Variants in ITPR1 observed in about 807,000 individuals in gnomAD.
The protein encoded by ITPR1 is inositol 1,4,5-trisphosphate-gated calcium channel ITPR1.
ITPR1 carries 96 observed loss-of-function variants against 318.4 expected under a neutral mutation model. The observed-to-expected ratio is 0.30, with a 90% CI of 0.26 to 0.36. The LOEUF is 0.36. Ranked by LOEUF, ITPR1 falls within the 10% of genes least tolerant of loss-of-function variation. The probability of loss-of-function intolerance (pLI) is 1.00; values close to 1 mark genes in which losing one functional copy is unlikely to be tolerated. For synonymous variants in ITPR1, 1,312 were observed against 1,289.9 expected (o/e 1.02, Z -0.37); for missense variants, 2,440 against 3,460.2 (o/e 0.71, Z 7.40).
At chr3:4,538,122 C>T (rs1163328251) in intron 4 of ITPR1, among the ~76,000 whole-genome samples, 1 of 152,056 alleles carries the variant, frequency 6.6e-6, no homozygotes, top group Non-Finnish European at 1.5e-5. Context: ...ACAAATCTGA[C>T]TTCTCAAATT....
intron 4 of ITPR1, among the ~76,000 whole-genome samples, chr3:4,590,504 C>T (rs1009293472): frequency 6.7e-6 from 1 of 150,036 alleles, no homozygotes; most frequent in African/African-American, 2.4e-5. Context: ...CTGGTCTTCT[C>T]CATGTATTTT....
At chr3:4,748,605 G>C (rs2044276317) in intron 44 of ITPR1, among the ~76,000 whole-genome samples, 1 of 152,126 alleles carries the variant, frequency 6.6e-6, no homozygotes, top group Admixed American at 6.5e-5. Context: ...TCATCTTGAG[G>C]GTAAGAGTGA....
At chr3:4,786,463 T>C (rs560389978) in intron 51 of ITPR1, among the ~76,000 whole-genome samples, 92 of 152,354 alleles carry the variant, frequency 6.0e-4, no homozygotes, top group African/African-American at 2.2e-3. Context: ...CAGCTTGACC[T>C]GAGTCACCTC....
chr3:4,682,702 C>A (rs1193692985), intron 26 of ITPR1, among the ~76,000 whole-genome samples: 1 of 152,172 alleles, frequency 6.6e-6, no homozygotes, highest in East Asian at 1.9e-4. Context: ...ACCTTCACAC[C>A]TTTTTGGAAT....
At chr3:4,725,508 G>A (rs1334084137) in intron 40 of ITPR1, 38 bp from the exon 41 acceptor site, 4 of 1,575,716 alleles carry the variant, frequency 2.5e-6, no homozygotes, top group African/African-American at 2.7e-5. Context: ...CGAGATGCAA[G>A]TGCCATGACT....
intron 2 of ITPR1, among the ~76,000 whole-genome samples, chr3:4,496,577 G>C (rs2080589709): frequency 6.6e-6 from 1 of 152,162 alleles, no homozygotes; most frequent in Admixed American, 6.6e-5. Flanking sequence ...GAAGTGGAAT[G>C]GTTGCTTAGA....
chr3:4,619,825 C>T (rs1575752977), intron 4 of ITPR1, among the ~76,000 whole-genome samples: 1 of 138,200 alleles, frequency 7.2e-6, no homozygotes, highest in Non-Finnish European at 1.6e-5. Flanking sequence ...CCCCTCCCCT[C>T]CTCTCCCCTC....
chr3:4,688,076 G>A (rs2125240328), intron 30 of ITPR1, among the ~76,000 whole-genome samples: 1 of 152,236 alleles, frequency 6.6e-6, no homozygotes, highest in East Asian at 1.9e-4. Context: ...TTTATCTTTT[G>A]TTAGAGATGG....
intron 5 of ITPR1, among the ~76,000 whole-genome samples, chr3:4,636,691 A>G (rs1297498972): frequency 6.6e-6 from 1 of 152,210 alleles, no homozygotes; most frequent in Non-Finnish European, 1.5e-5. Flanking sequence ...GGCCTCCCAG[A>G]GTGCTGGGAT....
At chr3:4,554,034 C>T (rs1045223933) in intron 4 of ITPR1, among the ~76,000 whole-genome samples, 10 of 152,212 alleles carry the variant, frequency 6.6e-5, no homozygotes, top group East Asian at 1.9e-4. Context: ...TGAGCCACCG[C>T]GCCCAGCCTT....
chr3:4,606,676 T>C (rs1294505571), intron 4 of ITPR1, among the ~76,000 whole-genome samples: 1 of 152,166 alleles, frequency 6.6e-6, no homozygotes, highest in Non-Finnish European at 1.5e-5. Context: ...TCATGCACTT[T>C]ACATAAGATA....
chr3:4,555,186 C>A (rs995372222), intron 4 of ITPR1, among the ~76,000 whole-genome samples: 1 of 152,144 alleles, frequency 6.6e-6, no homozygotes, highest in African/African-American at 2.4e-5. Context: ...GGATTGGAAT[C>A]AATTAGAGGC....
intron 60 of ITPR1, among the ~76,000 whole-genome samples, chr3:4,824,281 A>T (rs1229198819): frequency 1.3e-5 from 2 of 152,176 alleles, no homozygotes; most frequent in Non-Finnish European, 2.9e-5. Flanking sequence ...TGCGGAAAAT[A>T]AACACTGTAT....
At chr3:4,683,856 GA>G in intron 28 of ITPR1, 58 bp downstream of exon 28, 1 of 1,470,364 alleles carries the variant, frequency 6.8e-7, no homozygotes, top group Non-Finnish European at 9.4e-7. Context: ...CGAAACTAGG[GA>G]GCATCCTCTT....
At chr3:4,658,467 G>C (rs1187076908) in intron 13 of ITPR1, among the ~76,000 whole-genome samples, 189 bp downstream of exon 13, 2 of 151,852 alleles carry the variant, frequency 1.3e-5, no homozygotes, top group Admixed American at 1.3e-4. Flanking sequence ...TAAGTTCTCA[G>C]TAGTTGAATG....
chr3:4,745,338 G>A (rs1359254088), intron 44 of ITPR1, among the ~76,000 whole-genome samples: 2 of 151,948 alleles, frequency 1.3e-5, no homozygotes, highest in African/African-American at 4.8e-5. Context: ...ACACAGATTC[G>A]GGACGCAGAC....
intron 2 of ITPR1, among the ~76,000 whole-genome samples, chr3:4,495,592 C>A (rs756566290): frequency 6.6e-5 from 10 of 152,076 alleles, no homozygotes; most frequent in Non-Finnish European, 8.8e-5. Context: ...AGCTGTACAG[C>A]AAGGAAAAAC....
intron 16 of ITPR1, among the ~76,000 whole-genome samples, chr3:4,664,753 C>T (rs1176214843): frequency 2.0e-5 from 3 of 152,224 alleles, no homozygotes; most frequent in Non-Finnish European, 4.4e-5. Context: ...CCTTACTACA[C>T]CTCTGTGATA....
intron 4 of ITPR1, among the ~76,000 whole-genome samples, chr3:4,616,587 T>A (rs1300249627): frequency 6.6e-6 from 1 of 152,362 alleles, no homozygotes; most frequent in Admixed American, 6.5e-5. Flanking sequence ...TGCATTTATA[T>A]ATGCTGGCTG....
Sources: gnomAD v4.1 joint callset for allele counts (sites outside exome capture counted in the v4.1 genomes callset) on GRCh38, gnomAD v4.1.1 for gene constraint, MANE v1.5 for transcripts, NCBI Gene and HGNC (gene_info 2026-07-23, HGNC 2026-07-21) for gene names.